The following SORCS1 variants were observed in gnomAD, a reference collection of about 807,000 sequenced individuals.
SORCS1 encodes the protein VPS10 domain-containing receptor SorCS1.
In SORCS1, 60 loss-of-function variants were observed where a neutral mutation model predicts 146.1. The observed-to-expected ratio is 0.41, with a 90% CI of 0.33 to 0.51. The LOEUF is 0.51. SORCS1 is among the 20% of genes least tolerant of loss of function. SORCS1 has a pLI of 0.21. For synonymous variants in SORCS1, 637 were observed against 584.0 expected (o/e 1.09, Z -1.31); for missense variants, 1,352 against 1,487.6 (o/e 0.91, Z 1.50).
At position 106,615,638 on chromosome 10, in the gene SORCS1, A is replaced by AC. The variant is rs748121703; in HGVS notation, c.2920+2510dup. Among the ~76,000 whole-genome samples, 9 of 152,106 alleles carry AC rather than the reference A, an allele frequency of 5.9e-5. No homozygotes were observed. In the East Asian group the frequency reaches 1.5e-3, roughly 26 times the overall value. On this transcript the variant is annotated intron_variant, in intron 21 of 25. Coordinates refer to ENST00000263054, the MANE Select transcript of SORCS1 (RefSeq NM_052918.5). ...AGACCAGCCTGGGCAACATAGGGAG[A>AC]CCCCATAACTTTCCGATTATGTATA...
At chr10:106,613,505 T>C (rs773336995) in intron 21 of SORCS1, among the ~76,000 whole-genome samples, 1 of 152,200 alleles carries the variant, frequency 6.6e-6, no homozygotes, top group Non-Finnish European at 1.5e-5. Flanking sequence ...TACTCTGTCA[T>C]TGGCAGGGTA....
At chr10:106,889,884 C>CAAAGAAA (rs1324508204) in intron 2 of SORCS1, among the ~76,000 whole-genome samples, 1 of 75,502 alleles carries the variant, frequency 1.3e-5, no homozygotes, top group South Asian at 4.7e-4. Flanking sequence ...GACTACGTCT[C>CAAAGAAA]AAATAAAAAA....
At chr10:106,742,340 A>T (rs183543945) in intron 5 of SORCS1, among the ~76,000 whole-genome samples, 2 of 152,230 alleles carry the variant, frequency 1.3e-5, no homozygotes, top group East Asian at 3.9e-4. Flanking sequence ...AAATCCATTT[A>T]TGTTTTATAA....
chr10:106,772,472 C>A (rs1418655646), intron 4 of SORCS1, among the ~76,000 whole-genome samples: 3 of 148,820 alleles, frequency 2.0e-5, no homozygotes, highest in African/African-American at 7.5e-5. Flanking sequence ...ATCAATCAAT[C>A]TCTCTCTCTC....
At chr10:106,852,358 G>A (rs544196289) in intron 2 of SORCS1, among the ~76,000 whole-genome samples, 34 of 152,100 alleles carry the variant, frequency 2.2e-4, no homozygotes, top group African/African-American at 6.5e-4. Context: ...GGCTGGGTGC[G>A]GTGGCTCACA....
chr10:106,979,940 C>T (rs1392243533), intron 1 of SORCS1, among the ~76,000 whole-genome samples: 2 of 152,182 alleles, frequency 1.3e-5, no homozygotes, highest in East Asian at 1.9e-4. Context: ...GTATGTGAAG[C>T]CCAGCCACAT....
intron 3 of SORCS1, among the ~76,000 whole-genome samples, chr10:106,810,582 G>C (rs1947406792): frequency 6.6e-6 from 1 of 152,128 alleles, no homozygotes; most frequent in East Asian, 1.9e-4. Context: ...TCCCCTCCCT[G>C]GGCTTAACAA....
At chr10:106,731,294 A>AAG (rs1158077627) in intron 5 of SORCS1, among the ~76,000 whole-genome samples, 2 of 79,372 alleles carry the variant, frequency 2.5e-5, no homozygotes, top group East Asian at 2.8e-4. Context: ...CTCCGTCTCA[A>AAG]AAAAAAAAAA....
chr10:106,736,839 G>C (rs985074385), intron 5 of SORCS1, among the ~76,000 whole-genome samples: 1 of 152,022 alleles, frequency 6.6e-6, no homozygotes, highest in African/African-American at 2.4e-5. Context: ...AGAACCAAAG[G>C]TGCCTACTAA....
chr10:106,653,560 C>G (rs1029022267), intron 17 of SORCS1, among the ~76,000 whole-genome samples: 1 of 152,204 alleles, frequency 6.6e-6, no homozygotes, highest in African/African-American at 2.4e-5. Flanking sequence ...AAGGTGAACA[C>G]AGACAACACA....
intron 2 of SORCS1, among the ~76,000 whole-genome samples, chr10:106,926,854 CACACACACACACAGAGAGAGAGAGAG>C (rs1564818451): frequency 1.9e-5 from 2 of 104,904 alleles, no homozygotes; most frequent in African/African-American, 1.0e-4. Context: ...CACACACACA[CACACACACACACAGAGAGAGAGAGAG>C]AGAGAGAGAG....
At chr10:106,780,853 C>T (rs1028776655) in intron 3 of SORCS1, among the ~76,000 whole-genome samples, 11 of 152,294 alleles carry the variant, frequency 7.2e-5, no homozygotes, top group African/African-American at 2.6e-4. Context: ...CAGGATCCTA[C>T]CACCCAACTC....
At chr10:107,000,651 G>C (rs941102875) in intron 1 of SORCS1, among the ~76,000 whole-genome samples, 1 of 151,186 alleles carries the variant, frequency 6.6e-6, no homozygotes, top group Non-Finnish European at 1.5e-5. Flanking sequence ...CTGAATTTCT[G>C]TATGCTTCAA....
intron 5 of SORCS1, among the ~76,000 whole-genome samples, chr10:106,751,240 T>C (rs763837713): frequency 6.6e-6 from 1 of 152,066 alleles, no homozygotes; most frequent in Non-Finnish European, 1.5e-5. Flanking sequence ...AACGCCTCAG[T>C]AGACCTTGGG....
chr10:106,814,393 G>A (rs967247757), intron 3 of SORCS1, among the ~76,000 whole-genome samples: 6 of 152,142 alleles, frequency 3.9e-5, no homozygotes, highest in African/African-American at 1.4e-4. Context: ...AAGAAAACTG[G>A]AGCAAGGTTT....
intron 1 of SORCS1, among the ~76,000 whole-genome samples, chr10:107,017,241 C>T (rs1248490949): frequency 6.6e-6 from 1 of 152,132 alleles, no homozygotes; most frequent in African/African-American, 2.4e-5. Context: ...AAACTGGAAA[C>T]AATTCACACA....
intron 1 of SORCS1, among the ~76,000 whole-genome samples, chr10:106,994,080 A>AG (rs1384792425): frequency 2.3e-5 from 3 of 129,836 alleles, no homozygotes; most frequent in Non-Finnish European, 3.6e-5. Flanking sequence ...AAAAAAAAAA[A>AG]AAAAAAAGAA....
intron 1 of SORCS1, among the ~76,000 whole-genome samples, chr10:107,067,713 CT>C (rs1962012041): frequency 6.6e-6 from 1 of 152,176 alleles, no homozygotes; most frequent in Non-Finnish European, 1.5e-5. Flanking sequence ...AATACCTGTT[CT>C]TTCAATTATT....
At chr10:106,691,259 G>T (rs1484103782) in intron 9 of SORCS1, among the ~76,000 whole-genome samples, 6 of 152,292 alleles carry the variant, frequency 3.9e-5, no homozygotes, top group African/African-American at 1.4e-4. Context: ...CATAGACACA[G>T]AATTTCTGAT....
Sources: gnomAD v4.1 joint callset for allele counts (sites outside exome capture counted in the v4.1 genomes callset) on GRCh38, gnomAD v4.1.1 for gene constraint, MANE v1.5 for transcripts, NCBI Gene and HGNC (gene_info 2026-07-23, HGNC 2026-07-21) for gene names.